The following COL5A1 variants were observed in gnomAD, a reference collection of about 807,000 sequenced individuals.
The protein encoded by COL5A1 is collagen type V alpha 1 chain, also known as collagen alpha-1(V) chain.
In COL5A1, 16 loss-of-function variants were observed where a neutral mutation model predicts 263.7. That is an observed-to-expected ratio of 0.06 (90% CI 0.04 to 0.09). The LOEUF (loss-of-function observed/expected upper bound fraction) is 0.09. Ranked by LOEUF, COL5A1 falls within the 10% of genes least tolerant of loss-of-function variation. The pLI, the probability that COL5A1 is intolerant of heterozygous loss-of-function variation, is 1.00. For missense variants in COL5A1, 2,036 were observed against 2,540.5 expected, an observed-to-expected ratio of 0.80 and a Z score of 4.27; for synonymous variants, 1,012 against 1,004.5, an observed-to-expected ratio of 1.01 and a Z score of -0.14.
chr9:134,649,979 G>A (rs1054072809), intron 1 of COL5A1, among the ~76,000 whole-genome samples: 1 of 128,824 alleles, frequency 7.8e-6, no homozygotes, highest in Non-Finnish European at 1.6e-5. Context: ...AGTGGGAGTT[G>A]AACAATGAGA....
chr9:134,690,241 A>G (rs4842142), intron 1 of COL5A1, among the ~76,000 whole-genome samples: 91,170 of 151,930 alleles, frequency 0.6, 29,858 homozygotes, highest in South Asian at 0.75. Flanking sequence ...GGGGTCTTCC[A>G]GGGCAATGGA....
chr9:134,822,535 C>T (rs1167188115), intron 59 of COL5A1, among the ~76,000 whole-genome samples: 1 of 152,086 alleles, frequency 6.6e-6, no homozygotes, highest in Non-Finnish European at 1.5e-5. Flanking sequence ...GGCACCGCTG[C>T]CTGGGTCTCA....
intron 1 of COL5A1, among the ~76,000 whole-genome samples, chr9:134,660,857 T>C (rs1476829410): frequency 2.6e-5 from 4 of 152,206 alleles, no homozygotes; most frequent in Non-Finnish European, 4.4e-5. Context: ...TCAGAGTGCC[T>C]GCCACTGTGA....
chr9:134,659,107 T>C (rs762573870), intron 1 of COL5A1, among the ~76,000 whole-genome samples: 2 of 152,166 alleles, frequency 1.3e-5, no homozygotes, highest in African/African-American at 2.4e-5. Flanking sequence ...TAAAATAGCC[T>C]TTGAGGCCGG....
chr9:134,662,604 T>G (rs1259198308), intron 1 of COL5A1, among the ~76,000 whole-genome samples: 1 of 152,178 alleles, frequency 6.6e-6, no homozygotes, highest in Admixed American at 6.5e-5. Flanking sequence ...AAGTGAGGGT[T>G]GATTTAAGAG....
rs370009851 is a variant in COL5A1, at chr9:134,824,608, G to A, written c.4707G>A (p.Pro1569=). The A allele has an allele frequency of 3.1e-6, 5 of 1,614,038 alleles. No homozygotes were observed. The highest frequency in any genetic ancestry group is 2.2e-5 in the East Asian group (1 of 44,874). ...CCTGTTCTGTCCCCCAGGGCCCCCC[G>A]GGAGAGGTCATCCAGCCCCTGCCAA... ...HPGPPGPPGP[P]GEVIQPLPIQ... The change falls in exon 62 of 66, where the codon CCG becomes CCA. Residue 1569 remains proline, a synonymous_variant. Coordinates refer to ENST00000371817, the MANE Select transcript of COL5A1 (RefSeq NM_000093.5).
intron 1 of COL5A1, among the ~76,000 whole-genome samples, chr9:134,645,102 G>A (rs986192414): frequency 1.3e-5 from 2 of 152,174 alleles, no homozygotes; most frequent in Admixed American, 6.5e-5. Flanking sequence ...GCTACCCAGG[G>A]CTGTGCCCAC....
chr9:134,748,092 GACATGCATCCAC>G (rs1588499634), intron 11 of COL5A1, among the ~76,000 whole-genome samples: 2 of 75,732 alleles, frequency 2.6e-5, no homozygotes, highest in East Asian at 5.1e-4. Context: ...TGCATGCACA[GACATGCATCCAC>G]ACATGCATAC....
intron 36 of COL5A1, among the ~76,000 whole-genome samples, chr9:134,797,790 C>T (rs913209212): frequency 6.6e-6 from 1 of 152,148 alleles, no homozygotes; most frequent in Non-Finnish European, 1.5e-5. Context: ...CACGCCCGGC[C>T]ATCTCTTTCA....
chr9:134,783,932 GT>G (rs1282527445), intron 29 of COL5A1, among the ~76,000 whole-genome samples: 4 of 152,206 alleles, frequency 2.6e-5, no homozygotes, highest in African/African-American at 4.8e-5. Context: ...GTTCACACAT[GT>G]GGCGTCCACG....
chr9:134,732,473 G>T, intron 9 of COL5A1: 1 of 469,080 alleles, frequency 2.1e-6, no homozygotes, highest in Non-Finnish European at 3.9e-6. Flanking sequence ...CCTTTGAGGG[G>T]TGGAGGAGAG....
rs534359619 is a variant in COL5A1 at position 134,726,905 on chromosome 9, G to T, written c.655-361G>T. Among the ~76,000 whole-genome samples, 5 of 151,990 alleles carry T rather than the reference G, an allele frequency of 3.3e-5. No homozygotes were observed. In the East Asian group the frequency reaches 9.7e-4, roughly 30 times the overall value. ...TGGGTGAATGGATGGATAGATGGAT[G>T]GATGGGTGGATGGGTGAATGGGTGG... On this transcript the variant is annotated intron_variant, in intron 4 of 65. Transcript: ENST00000371817.
chr9:134,797,011 G>C, intron 36 of COL5A1, 110 bp downstream of exon 36: 2 of 1,193,502 alleles, frequency 1.7e-6, no homozygotes, highest in Non-Finnish European at 2.5e-6. Context: ...GCTCCTCACA[G>C]TGGCCGGTGG....
chr9:134,684,844 A>G (rs1832959072), intron 1 of COL5A1, among the ~76,000 whole-genome samples: 1 of 152,166 alleles, frequency 6.6e-6, no homozygotes, highest in South Asian at 2.1e-4. Flanking sequence ...GATTTTCACC[A>G]TTCACTTGCT....
At chr9:134,817,960 G>A in intron 54 of COL5A1, 129 bp downstream of exon 54, 2 of 931,668 alleles carry the variant, frequency 2.1e-6, no homozygotes, top group South Asian at 1.4e-5. Context: ...AGGGGCACCT[G>A]GCTCATGGCC....
At chr9:134,701,641 C>T (rs1271217956) in intron 4 of COL5A1, among the ~76,000 whole-genome samples, 2 of 152,148 alleles carry the variant, frequency 1.3e-5, no homozygotes, top group African/African-American at 2.4e-5. Flanking sequence ...TGTCCAGCCT[C>T]GTGCTGAGGC....
At position 134,716,306 on chromosome 9, in the gene COL5A1, T is replaced by C. The variant is rs1019358578; in HGVS notation, c.655-10960T>C. On this transcript the variant is annotated intron_variant, in intron 4 of 65. Coordinates refer to ENST00000371817, the MANE Select transcript of COL5A1 (RefSeq NM_000093.5). The surrounding 1 kb of genome is among the most constrained non-coding windows in gnomAD (Gnocchi z 4.5). Reference sequence around the variant, plus strand: ...GACCCGGTGCCCAGGCCTCCTGTGGTCAGTGCCTTCCCTGTGCCATTCTTC... The same window carrying C: ...GACCCGGTGCCCAGGCCTCCTGTGGCCAGTGCCTTCCCTGTGCCATTCTTC... Among the ~76,000 whole-genome samples the C allele has an allele frequency of 1.6e-4, 25 of 152,204 alleles. No individual in the cohort carries two copies. Among genetic ancestry groups the C allele is most frequent in the Non-Finnish European group, 2.6e-4 (18 of 68,042 alleles).
chr9:134,795,752 C>T (rs566352160), intron 34 of COL5A1, among the ~76,000 whole-genome samples: 1 of 152,398 alleles, frequency 6.6e-6, no homozygotes, highest in South Asian at 2.1e-4. Context: ...ACATTCTTCC[C>T]ACCGAGGGGC....
At chr9:134,824,210 T>C (rs965831404) in intron 61 of COL5A1, among the ~76,000 whole-genome samples, 1 of 152,208 alleles carries the variant, frequency 6.6e-6, no homozygotes, top group Non-Finnish European at 1.5e-5. Context: ...GAGGCATTCA[T>C]GTGGCCCCAC....
Sources: gnomAD v4.1 joint callset for allele counts (sites outside exome capture counted in the v4.1 genomes callset) on GRCh38, gnomAD v4.1.1 for gene constraint, Gnocchi (gnomAD v3.1) non-coding constraint, MANE v1.5 for transcripts, NCBI Gene and HGNC (gene_info 2026-07-23, HGNC 2026-07-21) for gene names.